Variants in SPON1 observed in about 807,000 individuals in gnomAD.
The protein encoded by SPON1 is spondin 1, also known as spondin-1.
SPON1 carries 52 observed loss-of-function variants against 111.7 expected under a neutral mutation model. The ratio of observed to expected loss-of-function variants is 0.47; its 90% CI spans 0.37 to 0.59. The LOEUF is 0.59. Ranked by LOEUF, SPON1 falls within the 20% of genes least tolerant of loss-of-function variation. SPON1 has a pLI of 0.00. For synonymous variants in SPON1, 410 were observed against 395.8 expected (o/e 1.04, Z -0.43); for missense variants, 957 against 1,068.5 (o/e 0.90, Z 1.46).
chr11:14,234,866 A>G (rs1187965224), intron 6 of SPON1, among the ~76,000 whole-genome samples: 2 of 152,262 alleles, frequency 1.3e-5, no homozygotes, highest in African/African-American at 4.8e-5. Context: ...ATCATCTTCT[A>G]GTGGATCTGC....
At chr11:14,068,978 A>C (rs1848854515) in intron 3 of SPON1, among the ~76,000 whole-genome samples, 1 of 152,202 alleles carries the variant, frequency 6.6e-6, no homozygotes, top group African/African-American at 2.4e-5. Flanking sequence ...AATTATACTT[A>C]AGTTTTGCAA....
chr11:14,040,469 A>G (rs1554917170), intron 2 of SPON1, among the ~76,000 whole-genome samples: 1 of 152,198 alleles, frequency 6.6e-6, no homozygotes. Flanking sequence ...TAGAGGAGGA[A>G]AAATGGAAGT....
Position 14,076,706 on chromosome 11 carries a change from A to G in SPON1, c.553+1288A>G, listed in dbSNP as rs553563558. Among the ~76,000 whole-genome samples the G allele has an allele frequency of 2.6e-5, 4 of 152,310 alleles. No homozygotes were observed. In the South Asian group the frequency reaches 8.3e-4, roughly 32 times the overall value. On this transcript the variant is annotated intron_variant, in intron 4 of 15. Transcript: ENST00000576479. ...ATCATTGCCTTTGACAGATCAATGCATTGTCCTCCTGTAGATGAGCTGAGC... is the reference window on the plus strand; with the variant it reads ...ATCATTGCCTTTGACAGATCAATGCGTTGTCCTCCTGTAGATGAGCTGAGC...
chr11:14,038,445 G>A (rs1848610250), intron 2 of SPON1, among the ~76,000 whole-genome samples: 2 of 151,994 alleles, frequency 1.3e-5, no homozygotes, highest in South Asian at 4.2e-4. Flanking sequence ...CTCCAGCCTG[G>A]GCAATAGAAT....
chr11:14,226,881 G>A (rs1355232068), intron 6 of SPON1, among the ~76,000 whole-genome samples: 5 of 152,214 alleles, frequency 3.3e-5, no homozygotes, highest in African/African-American at 1.2e-4. Flanking sequence ...GTGGCTGCCA[G>A]TCTTCCTTGG....
chr11:14,263,048 C>G (rs1413831945), intron 15 of SPON1, 73 bp downstream of exon 15: 25 of 1,178,064 alleles, frequency 2.1e-5, no homozygotes, highest in Non-Finnish European at 2.6e-5. Context: ...AGTCTTGGAC[C>G]TGTTTAAAAA....
intron 3 of SPON1, among the ~76,000 whole-genome samples, chr11:14,064,489 A>T (rs1454140093): frequency 1.3e-5 from 2 of 152,196 alleles, no homozygotes; most frequent in Non-Finnish European, 2.9e-5. Context: ...AGTAAAGCTG[A>T]ATTCAGGTAC....
chr11:14,076,987 C>T (rs1463230689), intron 4 of SPON1, among the ~76,000 whole-genome samples: 1 of 152,204 alleles, frequency 6.6e-6, no homozygotes, highest in Non-Finnish European at 1.5e-5. Context: ...TTATTAAGCT[C>T]TTGGTTCCTC....
intron 3 of SPON1, among the ~76,000 whole-genome samples, chr11:14,050,726 G>A (rs557720152): frequency 5.3e-5 from 8 of 152,312 alleles, no homozygotes; most frequent in Non-Finnish European, 8.8e-5. Flanking sequence ...GGCCACTGGT[G>A]TTTGACCCCA....
chr11:14,245,476 G>C (rs1161572700), intron 7 of SPON1, among the ~76,000 whole-genome samples: 5 of 152,182 alleles, frequency 3.3e-5, no homozygotes, highest in Non-Finnish European at 4.4e-5. Context: ...TGGCAGCCTT[G>C]TATACTCCAA....
At chr11:14,117,702 A>T (rs114278299) in intron 5 of SPON1, among the ~76,000 whole-genome samples, 1,783 of 152,250 alleles carry the variant, frequency 0.012, 28 homozygotes, top group African/African-American at 0.041. Flanking sequence ...TCCTATATAT[A>T]GACTTAGTTA....
intron 6 of SPON1, among the ~76,000 whole-genome samples, chr11:14,217,696 T>TA (rs1305492347): frequency 3.3e-5 from 5 of 152,224 alleles, no homozygotes; most frequent in African/African-American, 9.6e-5. Flanking sequence ...TGCCACTTAT[T>TA]AGCTCTGTGA....
chr11:14,041,381 TA>T, intron 2 of SPON1, 139 bp from the exon 3 acceptor site: 1 of 987,044 alleles, frequency 1.0e-6, no homozygotes, highest in Admixed American at 2.2e-5. Flanking sequence ...TGCCAAGCAC[TA>T]TTCTGGTGCC....
intron 2 of SPON1, among the ~76,000 whole-genome samples, chr11:13,995,831 T>C (rs1455304113): frequency 6.6e-6 from 1 of 152,204 alleles, no homozygotes; most frequent in East Asian, 1.9e-4. Flanking sequence ...CCATTTTCTA[T>C]ATGTGACATG....
intron 3 of SPON1, among the ~76,000 whole-genome samples, chr11:14,062,757 A>G (rs1439242082): frequency 6.6e-6 from 1 of 152,190 alleles, no homozygotes; most frequent in Non-Finnish European, 1.5e-5. Flanking sequence ...TATAATAGAA[A>G]CATCCTTCAC....
chr11:14,136,162 G>A (rs569306669), intron 6 of SPON1, among the ~76,000 whole-genome samples: 7 of 152,244 alleles, frequency 4.6e-5, no homozygotes, highest in East Asian at 3.9e-4. Flanking sequence ...CAGTGCCATC[G>A]TCCTTCATCA....
At chr11:14,263,228 C>A (rs1050727074) in intron 15 of SPON1, among the ~76,000 whole-genome samples, 1 of 151,978 alleles carries the variant, frequency 6.6e-6, no homozygotes, top group Admixed American at 6.6e-5. Flanking sequence ...TAATTACCTG[C>A]CAAAAATAAA....
chr11:14,133,653 C>T (rs543620498), intron 5 of SPON1, among the ~76,000 whole-genome samples: 74 of 152,284 alleles, frequency 4.9e-4, no homozygotes, highest in Middle Eastern at 3.4e-3. Flanking sequence ...GTCCACATCA[C>T]GAACCTAAGG....
intron 5 of SPON1, among the ~76,000 whole-genome samples, chr11:14,101,256 C>T (rs1367371779): frequency 2.6e-5 from 4 of 151,762 alleles, no homozygotes; most frequent in East Asian, 3.9e-4. Context: ...AAAACTTAGC[C>T]GGGAGTGGTG....
Sources: gnomAD v4.1 joint callset for allele counts (sites outside exome capture counted in the v4.1 genomes callset) on GRCh38, gnomAD v4.1.1 for gene constraint, MANE v1.5 for transcripts, NCBI Gene and HGNC (gene_info 2026-07-23, HGNC 2026-07-21) for gene names.